The following REEP3 variants were observed in gnomAD, a reference collection of about 807,000 sequenced individuals.
The protein encoded by REEP3 is receptor accessory protein 3, also known as receptor expression-enhancing protein 3.
A neutral mutation model predicts 41.3 loss-of-function variants in REEP3; 20 were observed. That is an observed-to-expected ratio of 0.48 (90% CI 0.34 to 0.70). The LOEUF is 0.70. Among genes scored for constraint, REEP3 ranks in the 30% least tolerant of loss-of-function variants. The probability of loss-of-function intolerance (pLI) is 0.01; values close to 1 mark genes in which losing one functional copy is unlikely to be tolerated. For missense variants in REEP3, 271 were observed against 308.8 expected, an observed-to-expected ratio of 0.88 and a Z score of 0.92; for synonymous variants, 104 against 101.8, an observed-to-expected ratio of 1.02 and a Z score of -0.13.
chr10:63,610,939 G>A (rs1393877679), intron 6 of REEP3, among the ~76,000 whole-genome samples: 2 of 152,186 alleles, frequency 1.3e-5, no homozygotes, highest in Non-Finnish European at 2.9e-5. Context: ...GGGCGTGGTG[G>A]CACACGCCTG....
intron 5 of REEP3, among the ~76,000 whole-genome samples, chr10:63,608,362 A>T (rs1020238862): frequency 3.3e-5 from 5 of 152,214 alleles, no homozygotes; most frequent in Admixed American, 6.5e-5. Context: ...CTCAAGTGGG[A>T]TATGGAAATG....
In REEP3 at chr10:63,621,905, C is replaced by T. The variant is rs576947508; in HGVS notation, c.*1036C>T. On this transcript the variant is annotated 3_prime_UTR_variant, in exon 8 of 8. Coordinates refer to ENST00000373758, the MANE Select transcript of REEP3 (RefSeq NM_001001330.3). ...CTGCTAGTTTATAAACTGGCATTGA[C>T]GAAAATCATTTGAATCTCTTCTGGC... 4 of 152,250 alleles carry T rather than the reference C, an allele frequency of 2.6e-5. No homozygotes were observed. Among genetic ancestry groups the T allele is most frequent in the Non-Finnish European group, 5.9e-5 (4 of 68,012 alleles). The allele number at this position is 152,250 out of a possible 1,614,324, so 9.4% of individuals were successfully genotyped here. A position where few individuals can be genotyped will look rare whatever the true frequency, so the allele number is the denominator to read the frequency against.
chr10:63,571,308 A>G (rs1955849903), intron 2 of REEP3, among the ~76,000 whole-genome samples: 1 of 152,158 alleles, frequency 6.6e-6, no homozygotes. Flanking sequence ...GAACAACGTA[A>G]ATTTATTCTC....
At chr10:63,604,254 T>C (rs1312438699) in intron 5 of REEP3, among the ~76,000 whole-genome samples, 2 of 152,234 alleles carry the variant, frequency 1.3e-5, no homozygotes, top group Admixed American at 1.3e-4. Flanking sequence ...GCAAGGTCAC[T>C]GTACAAGTTT....
At chr10:63,527,443 G>A (rs906295923) in intron 1 of REEP3, among the ~76,000 whole-genome samples, 2 of 152,084 alleles carry the variant, frequency 1.3e-5, no homozygotes, top group African/African-American at 4.8e-5. Flanking sequence ...AGGCTGATGC[G>A]TATAGATTAC....
At chr10:63,566,078 G>T (rs941656490) in intron 1 of REEP3, among the ~76,000 whole-genome samples, 3 of 152,020 alleles carry the variant, frequency 2.0e-5, no homozygotes, top group Admixed American at 1.3e-4. Context: ...TAGAGATGGG[G>T]TTTCACTGTG....
chr10:63,612,015 C>T (rs572041758), intron 6 of REEP3, among the ~76,000 whole-genome samples: 1 of 151,850 alleles, frequency 6.6e-6, no homozygotes, highest in African/African-American at 2.4e-5. Context: ...CAAGTTGTGA[C>T]TATTATCTAA....
At chr10:63,567,783 T>C (rs1366361533) in intron 2 of REEP3, among the ~76,000 whole-genome samples, 3 of 152,172 alleles carry the variant, frequency 2.0e-5, no homozygotes, top group Non-Finnish European at 2.9e-5. Context: ...TCATTATTCT[T>C]TATATTTTCA....
At chr10:63,590,519 A>AT (rs34524650) in intron 2 of REEP3, among the ~76,000 whole-genome samples, 6 of 150,504 alleles carry the variant, frequency 4.0e-5, no homozygotes, top group South Asian at 2.1e-4. Flanking sequence ...GATCAAGGAA[A>AT]TTTTTTTTTT....
intron 1 of REEP3, among the ~76,000 whole-genome samples, chr10:63,531,230 A>G (rs1219642234): frequency 2.6e-5 from 4 of 152,260 alleles, no homozygotes; most frequent in African/African-American, 9.6e-5. Context: ...AATGTTATAT[A>G]GCCATTCATA....
chr10:63,527,032 A>C (rs1955371318), intron 1 of REEP3, among the ~76,000 whole-genome samples: 1 of 151,922 alleles, frequency 6.6e-6, no homozygotes, highest in Non-Finnish European at 1.5e-5. Flanking sequence ...ATATATCGAT[A>C]TTTCCCTTTT....
intron 1 of REEP3, among the ~76,000 whole-genome samples, chr10:63,547,802 C>G (rs190857984): frequency 6.6e-6 from 1 of 152,194 alleles, no homozygotes; most frequent in Non-Finnish European, 1.5e-5. Flanking sequence ...CATGCATAAC[C>G]TCTTTATTAA....
chr10:63,534,725 A>T (rs994635973), intron 1 of REEP3, among the ~76,000 whole-genome samples: 2 of 152,242 alleles, frequency 1.3e-5, no homozygotes, highest in South Asian at 4.1e-4. Flanking sequence ...TAAAACTAGG[A>T]TCAGAAAAAT....
chr10:63,558,376 T>TAGC (rs1049620141), intron 1 of REEP3, among the ~76,000 whole-genome samples: 45 of 152,080 alleles, frequency 3.0e-4, no homozygotes, highest in African/African-American at 1.0e-3. Context: ...GAAGGAGGAG[T>TAGC]AGCACAGTTA....
At chr10:63,583,662 A>G (rs1955976417) in intron 2 of REEP3, among the ~76,000 whole-genome samples, 1 of 152,206 alleles carries the variant, frequency 6.6e-6, no homozygotes, top group Admixed American at 6.5e-5. Flanking sequence ...TGGTATGGGA[A>G]CTAAGATAAC....
rs1191290446 is a variant in REEP3 at position 63,521,490 on chromosome 10, GT to G, written c.-55del. On this transcript the variant is annotated 5_prime_UTR_variant, in exon 1 of 8. Transcript: ENST00000373758. ...CGCGCGGCCTGCCGTTGGCGGCCTG[GT>G]CCGCAGCGCCCTGCGCCCACCCGCC... The G allele has an allele frequency of 4.7e-6, 6 of 1,278,974 alleles. No individual in the cohort carries two copies. Among genetic ancestry groups the G allele is most frequent in the Non-Finnish European group, 6.1e-6 (6 of 984,084 alleles). 79.2% of individuals were successfully genotyped at this position (1,278,974 alleles called of 1,614,324 possible).
chr10:63,588,909 A>T (rs532253838), intron 2 of REEP3, among the ~76,000 whole-genome samples: 1 of 152,314 alleles, frequency 6.6e-6, no homozygotes, highest in South Asian at 2.1e-4. Context: ...TTAGACAAGG[A>T]AACAGCATGC....
intron 1 of REEP3, among the ~76,000 whole-genome samples, chr10:63,532,698 C>T (rs1955434725): frequency 1.3e-5 from 2 of 150,764 alleles, no homozygotes; most frequent in Admixed American, 6.6e-5. Context: ...AGGAGTTCCA[C>T]ACCAGCCTGG....
At chr10:63,549,269 A>G (rs1955605980) in intron 1 of REEP3, among the ~76,000 whole-genome samples, 1 of 152,168 alleles carries the variant, frequency 6.6e-6, no homozygotes, top group Non-Finnish European at 1.5e-5. Context: ...GAGTGGGGAG[A>G]GAGATAAAGA....
Sources: allele counts gnomAD v4.1 joint callset (sites outside exome capture counted in the v4.1 genomes callset), GRCh38; gene constraint gnomAD v4.1.1; transcripts MANE v1.5; gene names NCBI Gene and HGNC (gene_info 2026-07-23, HGNC 2026-07-21).